E2F6: variants seen among roughly 807,000 people sequenced by gnomAD.
E2F6 encodes the protein E2F transcription factor 6.
Under a neutral mutation model 31.5 loss-of-function variants are expected in E2F6, and 19 were observed. The observed-to-expected ratio is 0.60, with a 90% CI of 0.42 to 0.89. The LOEUF (loss-of-function observed/expected upper bound fraction) is 0.89. E2F6 is among the 40% of genes least tolerant of loss of function. E2F6 has a pLI of 0.00. For missense variants in E2F6, 269 were observed against 341.6 expected (o/e 0.79, Z 1.67); for synonymous variants, 121 against 127.7 (o/e 0.95, Z 0.36).
chr2:11,450,203 G>T, intron 4 of E2F6, 77 bp from the exon 5 acceptor site: 1 of 906,608 alleles, frequency 1.1e-6, no homozygotes, highest in Non-Finnish European at 1.7e-6. Flanking sequence ...TTCAGTTAAC[G>T]CAAGGGTAAT....
chr2:11,453,761 C>T lies in E2F6; in HGVS notation c.201G>A (p.Ser67=), dbSNP rs772018748. 1.1e-5 allele frequency: 17 copies of T among 1,614,004 alleles called. No homozygotes were observed. The highest frequency in any genetic ancestry group is 1.6e-4 in the Middle Eastern group (1 of 6,084). Residue 67 remains serine (S), a synonymous_variant, in exon 3 of 7, where the codon TCG becomes TCA. Coordinates refer to ENST00000381525, the MANE Select transcript of E2F6 (RefSeq NM_198256.4). ...LKVKRPRFDV[S]LVYLTRKFMD... is the part of the protein sequence containing the mutation. ...TAAATTTTCGAGTTAAATAAACCAG[C>T]GATACATCAAAACGAGGTCTCTTCA... is the stretch of plus-strand genomic sequence containing the variant.
In E2F6 at chr2:11,453,817, AT is replaced by A; in HGVS notation, c.164-20del. The A allele has an allele frequency of 6.3e-7, 1 of 1,587,578 alleles. No individual in the cohort carries two copies. The highest frequency in any genetic ancestry group is 8.6e-7 in the Non-Finnish European group (1 of 1,161,968). On this transcript the variant is annotated intron_variant, in intron 2 of 6. Coordinates refer to ENST00000381525, the MANE Select transcript of E2F6 (RefSeq NM_198256.4). The stretch of plus-strand genomic sequence containing the variant: ...AGAGCTTCTGGGAAACAAAATAAAC[AT>A]ATTTGTAAAATTTTAAATAACATTT...
chr2:11,448,461 G>T (rs1670860522), intron 5 of E2F6, among the ~76,000 whole-genome samples: 1 of 152,078 alleles, frequency 6.6e-6, no homozygotes, highest in Non-Finnish European at 1.5e-5. Context: ...TTAGGCCTGG[G>T]CTAGACACAC....
chr2:11,448,314 G>A (rs543873049), intron 5 of E2F6, among the ~76,000 whole-genome samples: 48 of 152,088 alleles, frequency 3.2e-4, no homozygotes, highest in African/African-American at 9.4e-4. Context: ...CTTTTTTTCC[G>A]TAAGGTATCA....
intron 2 of E2F6, chr2:11,455,488 A>G (rs1321627361): frequency 1.5e-6 from 2 of 1,294,736 alleles, no homozygotes; most frequent in Non-Finnish European, 2.0e-6. Flanking sequence ...AAGATTAAAT[A>G]GGCGTAAATT....
In E2F6 at chr2:11,453,738, A is replaced by G; in HGVS notation, c.224T>C (p.Phe75Ser). ...DVSLVYLTRKFMDLVRSAPGG... is the reference protein window; with the variant it reads ...DVSLVYLTRKSMDLVRSAPGG... ...GGGAGCAGATCTGACAAGATCCATA[A>G]ATTTTCGAGTTAAATAAACCAGCGA... is the stretch of plus-strand genomic sequence containing the variant. The change falls in exon 3 of 7, where the codon TTT (phenylalanine) becomes TCT (serine). Residue 75 changes from phenylalanine (F) to serine (S), a missense_variant. Coordinates refer to ENST00000381525, the MANE Select transcript of E2F6 (RefSeq NM_198256.4). 1 of 1,614,228 alleles carries G rather than the reference A, an allele frequency of 6.2e-7. No individual in the cohort carries two copies. Among genetic ancestry groups the G allele is most frequent in the Non-Finnish European group, 8.5e-7 (1 of 1,180,038 alleles).
At chr2:11,449,000 G>A (rs1670896098) in intron 5 of E2F6, among the ~76,000 whole-genome samples, 1 of 152,160 alleles carries the variant, frequency 6.6e-6, no homozygotes. Flanking sequence ...CTTTAAATAG[G>A]ACTCTAAGAG....
intron 1 of E2F6, among the ~76,000 whole-genome samples, chr2:11,463,956 G>GC (rs1558464838): frequency 1.6e-5 from 2 of 127,874 alleles, no homozygotes; most frequent in Non-Finnish European, 3.4e-5. Flanking sequence ...ACCGGGGGGG[G>GC]GGACAAAAAC....
intron 5 of E2F6, among the ~76,000 whole-genome samples, chr2:11,448,256 G>A (rs1670847262): frequency 6.6e-6 from 1 of 152,184 alleles, no homozygotes; most frequent in African/African-American, 2.4e-5. Context: ...AACTCATTAT[G>A]ATATTCACAT....
chr2:11,454,330 C>T (rs192437464), intron 2 of E2F6, among the ~76,000 whole-genome samples: 403 of 151,366 alleles, frequency 2.7e-3, no homozygotes, highest in Admixed American at 6.4e-3. Flanking sequence ...TGACATACCT[C>T]GAGCAACAGT....
chr2:11,448,932 C>T (rs1319047178), intron 5 of E2F6, among the ~76,000 whole-genome samples: 2 of 152,194 alleles, frequency 1.3e-5, no homozygotes, highest in African/African-American at 4.8e-5. Flanking sequence ...CCACCCATCA[C>T]ACTAGGTCCC....
Position 11,453,808 on chromosome 2 carries a change from A to AGCTCT in E2F6, c.164-11_164-10insAGAGC. 6.2e-7 allele frequency: 1 copy of AGCTCT among 1,602,572 alleles called. No homozygotes were observed. The highest frequency in any genetic ancestry group is 8.5e-7 in the Non-Finnish European group (1 of 1,173,534). On this transcript the variant is annotated splice_polypyrimidine_tract_variant and intron_variant, in intron 2 of 6. Transcript: ENST00000381525. ...TTCACTTTTAGAGCTTCTGGGAAAC[A>AGCTCT]AAATAAACATATTTGTAAAATTTTA...
intron 4 of E2F6, 24 bp downstream of exon 4, chr2:11,451,627 A>G: frequency 1.3e-6 from 2 of 1,578,592 alleles, no homozygotes; most frequent in Non-Finnish European, 8.6e-7. Flanking sequence ...AGAAATTTTA[A>G]AAAGGTATAG....
intron 6 of E2F6, 122 bp downstream of exon 6, chr2:11,447,505 C>G: frequency 9.9e-7 from 1 of 1,013,906 alleles, no homozygotes; most frequent in South Asian, 1.6e-5. Context: ...AAGAGTTATG[C>G]TGTAATTTTT....
In E2F6 at chr2:11,464,512, G is replaced by A. The variant is rs529694460; in HGVS notation, c.108+1260C>T. 3.1e-3 allele frequency among the ~76,000 whole-genome samples: 354 copies of A among 113,846 alleles called. 2 individuals carry two copies. Among genetic ancestry groups the A allele is most frequent in the Middle Eastern group, 0.017 (3 of 174 alleles). The allele number at this position is 113,846 out of a possible 152,430, so 74.7% of individuals were successfully genotyped here. ...AGCCTGGGTGACAGAGCAAGACTTC[G>A]TCACCAAAAAAAAAAAAAAAAAAAA... On this transcript the variant is annotated intron_variant, in intron 1 of 6. Coordinates refer to ENST00000381525, the MANE Select transcript of E2F6 (RefSeq NM_198256.4).
intron 4 of E2F6, among the ~76,000 whole-genome samples, chr2:11,450,817 G>A (rs1031643501): frequency 1.1e-4 from 16 of 151,950 alleles, no homozygotes; most frequent in Non-Finnish European, 4.4e-5. Flanking sequence ...TGTACTGTGG[G>A]AATAGAGGTT....
chr2:11,453,509 A>C, intron 3 of E2F6, 73 bp downstream of exon 3: 1 of 1,345,422 alleles, frequency 7.4e-7, no homozygotes, highest in Non-Finnish European at 1.1e-6. Context: ...CACTGCCACT[A>C]TCTAGTTTAA....
chr2:11,455,492 G>A (rs760871893), intron 2 of E2F6: 150 of 1,290,674 alleles, frequency 1.2e-4, no homozygotes, highest in Non-Finnish European at 1.4e-4. Flanking sequence ...TTAAATAGGC[G>A]TAAATTAGGA....
chr2:11,449,344 C>T (rs1670918933), intron 5 of E2F6, among the ~76,000 whole-genome samples: 1 of 152,146 alleles, frequency 6.6e-6, no homozygotes, highest in Non-Finnish European at 1.5e-5. Flanking sequence ...GGCAAACCCC[C>T]AGGGCAATGC....
Sources: gnomAD v4.1 joint callset for allele counts (sites outside exome capture counted in the v4.1 genomes callset) on GRCh38, gnomAD v4.1.1 for gene constraint, MANE v1.5 for transcripts, NCBI Gene and HGNC (gene_info 2026-07-23, HGNC 2026-07-21) for gene names.